ZNF469: variants seen among roughly 807,000 people sequenced by gnomAD.
ZNF469 encodes the protein zinc finger protein 469.
In ZNF469, 1 loss-of-function variant was observed where a neutral mutation model predicts 1.0. The ratio of observed to expected loss-of-function variants is 1.00; its 90% CI spans 0.35 to 4.73. ZNF469 has a LOEUF of 4.73. Among genes scored for constraint, ZNF469 ranks in the 30% most tolerant of loss-of-function variants. The probability of loss-of-function intolerance (pLI) is 0.16; values close to 1 mark genes in which losing one functional copy is unlikely to be tolerated. For missense variants in ZNF469, 6,100 were observed against 5,356.3 expected (o/e 1.14, Z -4.33); for synonymous variants, 2,703 against 2,363.4 (o/e 1.14, Z -4.17).
the ZNF469 span, among the ~76,000 whole-genome samples, chr16:88,125,727 C>T: frequency 6.6e-6 from 1 of 152,106 alleles, no homozygotes; most frequent in Non-Finnish European, 1.5e-5. Context: ...TAAATTTATC[C>T]CTAAGAATTT....
At chr16:88,127,016 A>C in the ZNF469 span, among the ~76,000 whole-genome samples, 1 of 152,104 alleles carries the variant, frequency 6.6e-6, no homozygotes, top group Non-Finnish European at 1.5e-5. Flanking sequence ...ACGAGGTTTC[A>C]TTCACCATGT....
the ZNF469 span, among the ~76,000 whole-genome samples, chr16:88,175,371 T>G: frequency 6.6e-6 from 1 of 152,222 alleles, no homozygotes; most frequent in Non-Finnish European, 1.5e-5. Flanking sequence ...TAATTGGCAC[T>G]TACAGAAAAT....
chr16:88,135,077 G>C, the ZNF469 span, among the ~76,000 whole-genome samples: 1 of 152,248 alleles, frequency 6.6e-6, no homozygotes, highest in South Asian at 2.1e-4. Context: ...CGAGGCCCCG[G>C]GCAGAAGGGG....
At chr16:88,397,141 C>T (rs62048992) in intron 1 of ZNF469, among the ~76,000 whole-genome samples, 39,090 of 152,112 alleles carry the variant, frequency 0.26, 5,640 homozygotes, top group African/African-American at 0.39. Context: ...GCTAAGTGGC[C>T]CCCAGGGCTG....
At chr16:88,352,679 T>C in the ZNF469 span, among the ~76,000 whole-genome samples, 1 of 152,192 alleles carries the variant, frequency 6.6e-6, no homozygotes, top group Non-Finnish European at 1.5e-5. Flanking sequence ...TTCCCCTCCC[T>C]GGCTGGTAGC....
At chr16:88,235,418 G>C in the ZNF469 span, among the ~76,000 whole-genome samples, 1 of 152,208 alleles carries the variant, frequency 6.6e-6, no homozygotes, top group Non-Finnish European at 1.5e-5. Context: ...TGGGAGTGCC[G>C]TGGACACCAG....
the ZNF469 span, among the ~76,000 whole-genome samples, chr16:88,225,944 C>G: frequency 1.6e-4 from 25 of 152,214 alleles, no homozygotes; most frequent in Admixed American, 1.4e-3. Context: ...GGCAGCTGGA[C>G]CTTCCTGGCT....
the ZNF469 span, among the ~76,000 whole-genome samples, chr16:88,213,980 T>G: frequency 6.6e-6 from 1 of 152,108 alleles, no homozygotes; most frequent in African/African-American, 2.4e-5. Flanking sequence ...AGCGTGGAAT[T>G]TGTGTGATTT....
At chr16:88,229,634 C>A in the ZNF469 span, among the ~76,000 whole-genome samples, 56,254 of 103,322 alleles carry the variant, frequency 0.54, 11,910 homozygotes, top group Non-Finnish European at 0.62. Flanking sequence ...GTGTGGATGT[C>A]ACGTGTGTGT....
At position 88,435,317 on chromosome 16, in the gene ZNF469, G is replaced by A. The variant is rs368063668; in HGVS notation, c.7847G>A (p.Arg2616His). 4.2e-5 allele frequency: 65 copies of A among 1,550,210 alleles called. No individual in the cohort carries two copies. In the South Asian group the frequency reaches 5.2e-4, roughly 12 times the overall value. ...QAEKREGRRW[R>H]REPTVDSPSH... ...GAAAAAAGAGAAGGCCGGAGGTGGC[G>A]CCGAGAGCCCACCGTGGACTCTCCT... is the stretch of plus-strand genomic sequence containing the variant. Residue 2616 changes from arginine to histidine, a missense_variant, in exon 3 of 3, where the codon CGC (arginine) becomes CAC (histidine). Transcript: ENST00000565624.
At chr16:88,198,491 G>T in the ZNF469 span, among the ~76,000 whole-genome samples, 1 of 152,278 alleles carries the variant, frequency 6.6e-6, no homozygotes, top group African/African-American at 2.4e-5. Context: ...ACACGTGACT[G>T]TCGAGCTCTG....
the ZNF469 span, among the ~76,000 whole-genome samples, chr16:88,329,821 A>G: frequency 2.6e-5 from 4 of 152,224 alleles, no homozygotes; most frequent in Non-Finnish European, 4.4e-5. Context: ...CTTTCCTGGG[A>G]TGCAGACGCC....
the ZNF469 span, among the ~76,000 whole-genome samples, chr16:88,148,512 G>A: frequency 6.6e-6 from 1 of 152,192 alleles, no homozygotes; most frequent in African/African-American, 2.4e-5. Context: ...GGCCAGAGGG[G>A]CAATGTGGAA....
At chr16:88,367,146 C>G in the ZNF469 span, among the ~76,000 whole-genome samples, 4 of 152,324 alleles carry the variant, frequency 2.6e-5, no homozygotes, top group Non-Finnish European at 5.9e-5. Flanking sequence ...GGGTACTCAG[C>G]AAATGTTTGC....
intron 1 of ZNF469, among the ~76,000 whole-genome samples, chr16:88,387,416 C>T (rs1049750356): frequency 1.3e-5 from 2 of 152,296 alleles, no homozygotes; most frequent in South Asian, 2.1e-4. Context: ...ACTCGGGCCG[C>T]GGTCAGCACA....
At chr16:88,422,434 G>A (rs372450421) in intron 1 of ZNF469, among the ~76,000 whole-genome samples, 1 of 148,682 alleles carries the variant, frequency 6.7e-6, no homozygotes, top group Non-Finnish European at 1.5e-5. Context: ...AAGGGTGGAT[G>A]GGTGGGTGGG....
At chr16:88,273,176 G>T in the ZNF469 span, among the ~76,000 whole-genome samples, 1 of 152,228 alleles carries the variant, frequency 6.6e-6, no homozygotes, top group African/African-American at 2.4e-5. Context: ...TAGATAGATG[G>T]ATGGGTGAGT....
At chr16:88,399,844 G>C (rs1330160018) in intron 1 of ZNF469, among the ~76,000 whole-genome samples, 1 of 152,230 alleles carries the variant, frequency 6.6e-6, no homozygotes, top group Non-Finnish European at 1.5e-5. Context: ...ACAGCAGCCA[G>C]GACGGCAGCC....
chr16:88,229,553 C>CGCGTGTGCGCTG, the ZNF469 span, among the ~76,000 whole-genome samples: 5 of 150,680 alleles, frequency 3.3e-5, no homozygotes, highest in African/African-American at 7.3e-5. Context: ...GTGGATGTCA[C>CGCGTGTGCGCTG]ACGTGTGGAT....
Sources: allele counts gnomAD v4.1 joint callset (sites outside exome capture counted in the v4.1 genomes callset), GRCh38; gene constraint gnomAD v4.1.1; transcripts MANE v1.5; gene names NCBI Gene and HGNC (gene_info 2026-07-23, HGNC 2026-07-21).